Variants in VPS13B observed in about 807,000 individuals in gnomAD.
VPS13B encodes the protein vacuolar protein sorting 13 homolog B.
A neutral mutation model predicts 426.4 loss-of-function variants in VPS13B; 285 were observed. The ratio of observed to expected loss-of-function variants is 0.67; its 90% confidence interval spans 0.61 to 0.74. VPS13B has a LOEUF of 0.74. Among genes scored for constraint, VPS13B ranks in the 30% least tolerant of loss-of-function variants. The pLI is 0.00. For missense variants in VPS13B, 4,537 were observed against 4,782.6 expected, an observed-to-expected ratio of 0.95 and a Z score of 1.51; for synonymous variants, 1,676 against 1,676.4, an observed-to-expected ratio of 1.00 and a Z score of 0.01.
At position 99,736,617 on chromosome 8, in the gene VPS13B, GA is replaced by G. The variant is rs1292237111; in HGVS notation, c.7050+15578del. Among the ~76,000 whole-genome samples the G allele has an allele frequency of 5.9e-5, 9 of 151,574 alleles. No homozygotes were observed. The South Asian group carries it at 6.2e-4, about 10-fold the overall frequency. ...AACAACAAAAATCAGTTTAAAAGAA[GA>G]AAAAAAATAGTGAGGTGACAAGGCC... On this transcript the variant is annotated intron_variant, in intron 39 of 61. Transcript: ENST00000357162.
At chr8:99,661,259 C>A in intron 34 of VPS13B, 95 bp from the exon 35 acceptor site, 2 of 1,474,334 alleles carry the variant, frequency 1.4e-6, no homozygotes, top group Non-Finnish European at 1.9e-6. Flanking sequence ...AGTTATTTAA[C>A]CAGTTTTTCT....
In VPS13B at chr8:99,835,743, G is replaced by A; in HGVS notation, c.9942+5G>A. ...ATCAACAGTCAGGGAACACAGGTCAGTGAGCCATGTGTTCCTGCCAAGACC... is the reference window on the plus strand; with the variant it reads ...ATCAACAGTCAGGGAACACAGGTCAATGAGCCATGTGTTCCTGCCAAGACC... On this transcript the variant is annotated splice_donor_5th_base_variant and intron_variant, in intron 54 of 61. Coordinates refer to ENST00000357162, the MANE Select transcript of VPS13B (RefSeq NM_152564.5). 1.9e-6 allele frequency: 3 copies of A among 1,613,996 alleles called. No individual in the cohort carries two copies. Among genetic ancestry groups the A allele is most frequent in the Non-Finnish European group, 2.5e-6 (3 of 1,179,926 alleles).
chr8:99,740,544 A>G (rs1018296114), intron 39 of VPS13B, among the ~76,000 whole-genome samples: 10 of 152,244 alleles, frequency 6.6e-5, no homozygotes, highest in African/African-American at 1.9e-4. Flanking sequence ...AGTTGAAACA[A>G]TGGAAAAAAT....
intron 42 of VPS13B, among the ~76,000 whole-genome samples, chr8:99,780,723 T>C (rs1811978675): frequency 6.6e-6 from 1 of 152,190 alleles, no homozygotes; most frequent in Admixed American, 6.5e-5. Context: ...TTTTCTTGTT[T>C]CCTCTCATGT....
chr8:99,078,016 T>G (rs1405837532), intron 3 of VPS13B, among the ~76,000 whole-genome samples: 1 of 152,114 alleles, frequency 6.6e-6, no homozygotes, highest in Non-Finnish European at 1.5e-5. Context: ...TTTTCAGTTA[T>G]GGGATTTTGT....
chr8:99,778,089 G>C (rs1052335274), intron 41 of VPS13B, among the ~76,000 whole-genome samples: 2 of 151,920 alleles, frequency 1.3e-5, no homozygotes, highest in East Asian at 3.9e-4. Flanking sequence ...AAAATTAGCT[G>C]GGCGTGGTGG....
At chr8:99,098,323 T>C (rs1165685690) in intron 4 of VPS13B, among the ~76,000 whole-genome samples, 1 of 152,074 alleles carries the variant, frequency 6.6e-6, no homozygotes, top group Admixed American at 6.6e-5. Context: ...TACAACCTTT[T>C]AGAGAGTCTT....
chr8:99,053,343 A>C (rs1284326755), intron 3 of VPS13B, among the ~76,000 whole-genome samples: 1 of 151,594 alleles, frequency 6.6e-6, no homozygotes, highest in African/African-American at 2.4e-5. Flanking sequence ...TCCTGTGTCC[A>C]TGTGTTCTCA....
At chr8:99,019,596 C>T (rs948958733) in intron 2 of VPS13B, among the ~76,000 whole-genome samples, 10 of 152,194 alleles carry the variant, frequency 6.6e-5, no homozygotes, top group Non-Finnish European at 7.3e-5. Context: ...ATATTTTCGT[C>T]TTCCCAAACT....
At chr8:99,013,622 C>T (rs986038217) in intron 1 of VPS13B, 138 bp from the exon 2 acceptor site, 4 of 730,252 alleles carry the variant, frequency 5.5e-6, no homozygotes, top group South Asian at 4.9e-5. Context: ...AGCTGGGAGT[C>T]CGCTGGAGTT....
chr8:99,340,370 C>G, intron 19 of VPS13B: 1 of 410,254 alleles, frequency 2.4e-6, no homozygotes, highest in Non-Finnish European at 4.8e-6. Context: ...TAAGCCAACT[C>G]TGGGAAGAAA....
intron 40 of VPS13B, among the ~76,000 whole-genome samples, chr8:99,774,807 C>G (rs1366623629): frequency 2.6e-5 from 4 of 152,102 alleles, no homozygotes; most frequent in Admixed American, 1.3e-4. Flanking sequence ...TCTACAAATT[C>G]CTAGAAAGTT....
chr8:99,612,267 T>TA (rs1353260020), intron 33 of VPS13B, among the ~76,000 whole-genome samples: 1 of 152,160 alleles, frequency 6.6e-6, no homozygotes, highest in Non-Finnish European at 1.5e-5. Context: ...TAGCAGTGCT[T>TA]AACGTTATGA....
At position 99,313,992 on chromosome 8, in the gene VPS13B, G is replaced by T. The variant is rs146102901; in HGVS notation, c.2824+38738G>T. On this transcript the variant is annotated intron_variant, in intron 19 of 61. Coordinates refer to ENST00000357162, the MANE Select transcript of VPS13B (RefSeq NM_152564.5). ...CAGGCACGGGATATAATCTCCTTGT[G>T]TGCCATTTGCTAAGACCGTTGGAAA... 1.4e-4 allele frequency among the ~76,000 whole-genome samples: 21 copies of T among 152,256 alleles called. No homozygotes were observed. The East Asian group carries it at 3.9e-3, about 28-fold the overall frequency.
At chr8:99,019,232 G>T in intron 2 of VPS13B, among the ~76,000 whole-genome samples, 1 of 139,756 alleles carries the variant, frequency 7.2e-6, no homozygotes, top group Non-Finnish European at 1.5e-5. Context: ...TTGAGATAGA[G>T]TTTCACTCTT....
At chr8:99,382,509 A>T (rs1390085507) in intron 19 of VPS13B, among the ~76,000 whole-genome samples, 1 of 152,016 alleles carries the variant, frequency 6.6e-6, no homozygotes, top group Non-Finnish European at 1.5e-5. Flanking sequence ...CATGTTTTAT[A>T]GTTCTCATTG....
chr8:99,157,429 T>A (rs1434221594), intron 15 of VPS13B, among the ~76,000 whole-genome samples: 1 of 152,228 alleles, frequency 6.6e-6, no homozygotes. Flanking sequence ...TATTTTAGCA[T>A]TGTGATCTGT....
chr8:99,049,394 GACTC>G (rs1563505738), intron 3 of VPS13B, among the ~76,000 whole-genome samples: 1 of 11,576 alleles, frequency 8.6e-5, no homozygotes, highest in African/African-American at 2.4e-4. Context: ...GTCTGAAAAA[GACTC>G]TATCTTTCCT....
chr8:99,530,131 A>G (rs2133692331), intron 30 of VPS13B, among the ~76,000 whole-genome samples: 1 of 152,166 alleles, frequency 6.6e-6, no homozygotes, highest in Non-Finnish European at 1.5e-5. Context: ...TTTTTCTTTG[A>G]TGTTCAACTC....
Sources: allele counts gnomAD v4.1 joint callset (sites outside exome capture counted in the v4.1 genomes callset), GRCh38; gene constraint gnomAD v4.1.1; transcripts MANE v1.5; gene names NCBI Gene and HGNC (gene_info 2026-07-23, HGNC 2026-07-21).